ACSM3: variants seen among roughly 807,000 people sequenced by gnomAD.
The protein encoded by ACSM3 is acyl-coenzyme A synthetase ACSM3, mitochondrial.
Under a neutral mutation model 74.1 loss-of-function variants are expected in ACSM3, and 61 were observed. The ratio of observed to expected loss-of-function variants is 0.82; its 90% CI spans 0.67 to 1.02. The LOEUF (loss-of-function observed/expected upper bound fraction) is 1.02. Ranked by LOEUF, ACSM3 falls within the 50% of genes least tolerant of loss-of-function variation. The pLI, the probability that ACSM3 is intolerant of heterozygous loss-of-function variation, is 0.00. For synonymous variants in ACSM3, 213 were observed against 241.5 expected, an observed-to-expected ratio of 0.88 and a Z score of 1.09; for missense variants, 660 against 697.0, an observed-to-expected ratio of 0.95 and a Z score of 0.60.
chr16:20,719,777 T>A (rs2079779011), intron 1 of ACSM3, among the ~76,000 whole-genome samples: 1 of 152,238 alleles, frequency 6.6e-6, no homozygotes, highest in Admixed American at 6.5e-5. Context: ...GAGCAGAGAT[T>A]AAAAGTGCGG....
intron 1 of ACSM3, among the ~76,000 whole-genome samples, chr16:20,698,420 G>A (rs1347649005): frequency 6.6e-6 from 1 of 152,086 alleles, no homozygotes; most frequent in Non-Finnish European, 1.5e-5. Flanking sequence ...TCTGGAGGCA[G>A]AAAGGTCTGA....
chr16:20,761,838 A>G (rs1479762576), upstream of ACSM3, among the ~76,000 whole-genome samples: 3 of 152,142 alleles, frequency 2.0e-5, no homozygotes, highest in Admixed American at 1.3e-4. Flanking sequence ...CTGGTATACA[A>G]CCTTCCTCTA....
At chr16:20,703,562 C>T (rs893973047) in intron 1 of ACSM3, 1 of 152,074 alleles carries the variant, frequency 6.6e-6, no homozygotes, top group African/African-American at 2.4e-5. Flanking sequence ...CATTCTGTCA[C>T]CCAGGCTGGA....
intron 1 of ACSM3, among the ~76,000 whole-genome samples, chr16:20,706,930 T>C (rs963143104): frequency 2.0e-5 from 3 of 152,066 alleles, no homozygotes; most frequent in African/African-American, 7.3e-5. Context: ...AAAGGGCCCT[T>C]AATCTTGCCT....
chr16:20,742,780 C>T (rs2079938420), intron 1 of ACSM3, among the ~76,000 whole-genome samples: 1 of 142,164 alleles, frequency 7.0e-6, no homozygotes. Flanking sequence ...CCAACATAGT[C>T]TGGTGCGTGT....
chr16:20,781,205 C>G, intron 6 of ACSM3, 75 bp downstream of exon 6: 1 of 1,530,018 alleles, frequency 6.5e-7, no homozygotes, highest in Non-Finnish European at 8.9e-7. Context: ...GTGAATAAAG[C>G]AACTTGCAGA....
intron 1 of ACSM3, chr16:20,735,873 ACTGCATCTTGCC>A (rs2079864678): frequency 6.6e-6 from 1 of 152,188 alleles, no homozygotes. Context: ...TCAACTTTGT[ACTGCATCTTGCC>A]CCAGCATTTT....
intron 1 of ACSM3, chr16:20,736,378 TAAA>T (rs33947944): frequency 3.3e-4 from 43 of 129,248 alleles, no homozygotes; most frequent in Admixed American, 3.9e-4. Context: ...ACACAAATGT[TAAA>T]AAAAAAAAAA....
At chr16:20,741,481 G>GGGGGGGGCCCCCCCCCC in intron 1 of ACSM3, 1 of 1,308,412 alleles carries the variant, frequency 7.6e-7, no homozygotes, top group Non-Finnish European at 9.9e-7. Flanking sequence ...CTGGCAGCCG[G>GGGGGGGGCCCCCCCCCC]CCCGCCCGCC....
intron 1 of ACSM3, among the ~76,000 whole-genome samples, chr16:20,686,910 C>T (rs746981851): frequency 1.2e-4 from 18 of 150,424 alleles, no homozygotes; most frequent in East Asian, 1.9e-4. Context: ...ACCTTAAATA[C>T]GTATGATTAA....
In ACSM3 at chr16:20,729,332, G is replaced by C; in HGVS notation, c.-189-20578G>C. The C allele has an allele frequency of 2.1e-6, 3 of 1,457,182 alleles. No homozygotes were observed. The South Asian group carries it at 3.4e-5, about 17-fold the overall frequency. 90.3% of individuals were successfully genotyped at this position (1,457,182 alleles called of 1,614,324 possible). ...TGGGTATTTCTGGTTTGTCGGCAGA[G>C]CTGATGATGTCATTATTTCCTCTGG... On this transcript the variant is annotated intron_variant, in intron 1 of 3. Coordinates refer to the ACSM3 transcript ENST00000561584.
At chr16:20,738,820 T>C (rs1417231445) in intron 1 of ACSM3, 1 of 1,524,544 alleles carries the variant, frequency 6.6e-7, no homozygotes, top group Non-Finnish European at 8.9e-7. Flanking sequence ...AGAAGCCATT[T>C]TGTAAGCAGT....
chr16:20,685,290 G>A (rs768165014), intron 1 of ACSM3: 11 of 1,614,210 alleles, frequency 6.8e-6, no homozygotes, highest in Middle Eastern at 1.6e-4. Flanking sequence ...AGGTCTGTGT[G>A]AAGACGTTGG....
At chr16:20,741,482 C>CCG in intron 1 of ACSM3, 1 of 160,348 alleles carries the variant, frequency 6.2e-6, no homozygotes, top group Non-Finnish European at 1.3e-5. Context: ...TGGCAGCCGG[C>CCG]CCGCCCGCCC....
At chr16:20,715,623 C>CAA (rs149578773) in intron 1 of ACSM3, among the ~76,000 whole-genome samples, 40 of 150,998 alleles carry the variant, frequency 2.6e-4, no homozygotes, top group South Asian at 1.5e-3. Flanking sequence ...CAAAACAAAA[C>CAA]AAAAAAAAAT....
chr16:20,785,510 T>C (rs1402600481), intron 8 of ACSM3, among the ~76,000 whole-genome samples: 3 of 151,970 alleles, frequency 2.0e-5, no homozygotes, highest in African/African-American at 7.3e-5. Context: ...AACCATACTC[T>C]AAAAAGGATT....
rs747038040 is a variant in ACSM3, at chr16:20,682,457, A to G, written c.-190+7635A>G. ...CAACAGGATGGTCGCAGGAATGAAG[A>G]TGATCCCTGGGGATGAGAAAGGAAC... On this transcript the variant is annotated intron_variant, in intron 1 of 3. Transcript: ENST00000561584. The G allele has an allele frequency of 2.5e-6, 4 of 1,613,154 alleles. No individual in the cohort carries two copies. In the South Asian group the frequency reaches 4.4e-5, roughly 18 times the overall value.
At chr16:20,737,983 A>G in intron 1 of ACSM3, 12 of 1,563,192 alleles carry the variant, frequency 7.7e-6, no homozygotes, top group Non-Finnish European at 1.0e-5. Flanking sequence ...AGTTAAGAAG[A>G]TAATTTCTCA....
At chr16:20,690,898 G>C in intron 1 of ACSM3, 1 of 1,166,154 alleles carries the variant, frequency 8.6e-7, no homozygotes, top group Non-Finnish European at 1.2e-6. Context: ...AGTTGAGGCA[G>C]AAGTAACTTT....
Sources: allele counts gnomAD v4.1 joint callset (sites outside exome capture counted in the v4.1 genomes callset), GRCh38; gene constraint gnomAD v4.1.1; transcripts MANE v1.5; gene names NCBI Gene and HGNC (gene_info 2026-07-23, HGNC 2026-07-21).